The following ARHGEF28 variants were observed in gnomAD, a reference collection of about 807,000 sequenced individuals.
ARHGEF28 encodes Rho guanine nucleotide exchange factor 28.
Under a neutral mutation model 206.6 loss-of-function variants are expected in ARHGEF28, and 152 were observed. That is an observed-to-expected ratio of 0.74 (90% CI 0.64 to 0.84). ARHGEF28 has a LOEUF of 0.84. Among genes scored for constraint, ARHGEF28 ranks in the 40% least tolerant of loss-of-function variants. The pLI, the probability that ARHGEF28 is intolerant of heterozygous loss-of-function variation, is 0.00. For synonymous variants in ARHGEF28, 763 were observed against 776.4 expected, an observed-to-expected ratio of 0.98 and a Z score of 0.29; for missense variants, 2,028 against 2,073.2, an observed-to-expected ratio of 0.98 and a Z score of 0.42.
At position 73,894,551 on chromosome 5, in the gene ARHGEF28, T is replaced by C. The variant is rs1761847625; in HGVS notation, c.3817T>C (p.Leu1273=). 1 of 1,613,652 alleles carries C rather than the reference T, an allele frequency of 6.2e-7. No homozygotes were observed. The highest frequency in any genetic ancestry group is 1.1e-5 in the South Asian group (1 of 91,032). ...AGGCGAGCCTCCCCAGGCAGCCTCA[T>C]TACTGGCAGCAGCACTGAAAGAAGG... ...DPGEPPQAAS[L]LAAALKEAES... The change falls in exon 29 of 36, where the codon TTA becomes CTA. Residue 1273 remains leucine, a synonymous_variant. Coordinates refer to ENST00000513042, the MANE Select transcript of ARHGEF28 (RefSeq NM_001177693.2).
At chr5:73,628,364 A>G (rs1451352530) in intron 1 of ARHGEF28, among the ~76,000 whole-genome samples, 1 of 152,264 alleles carries the variant, frequency 6.6e-6, no homozygotes, top group Non-Finnish European at 1.5e-5. Context: ...CTGCCAGTTT[A>G]TGACCAAGGA....
chr5:73,690,967 G>C (rs1379412675), intron 2 of ARHGEF28, among the ~76,000 whole-genome samples: 2 of 151,984 alleles, frequency 1.3e-5, no homozygotes, highest in East Asian at 3.9e-4. Context: ...TTCTCGCCGT[G>C]TCATCCAGGC....
chr5:73,845,239 G>A (rs976242177), intron 11 of ARHGEF28, among the ~76,000 whole-genome samples: 9 of 152,006 alleles, frequency 5.9e-5, no homozygotes, highest in African/African-American at 1.9e-4. Flanking sequence ...GGATGGTCTC[G>A]ATCTCTGACC....
intron 9 of ARHGEF28, among the ~76,000 whole-genome samples, chr5:73,825,012 T>C (rs1224213343): frequency 6.6e-6 from 1 of 152,192 alleles, no homozygotes; most frequent in African/African-American, 2.4e-5. Flanking sequence ...GAATTTTCTG[T>C]TCTTGATGAT....
chr5:73,813,357 C>A, intron 9 of ARHGEF28: 2 of 389,866 alleles, frequency 5.1e-6, no homozygotes, highest in Non-Finnish European at 3.5e-6. Context: ...CCCTCCTTTA[C>A]TTCCCTAGTT....
intron 26 of ARHGEF28, among the ~76,000 whole-genome samples, chr5:73,891,591 G>A (rs929084521): frequency 1.7e-4 from 26 of 151,252 alleles, no homozygotes; most frequent in African/African-American, 5.8e-4. Context: ...CCAGGCTGGA[G>A]TGCGCTCACT....
intron 28 of ARHGEF28, among the ~76,000 whole-genome samples, chr5:73,894,014 G>C (rs924873063): frequency 2.6e-5 from 4 of 151,596 alleles, no homozygotes; most frequent in African/African-American, 9.7e-5. Context: ...TGCCGTTCCA[G>C]GCATTTGTAT....
intron 2 of ARHGEF28, among the ~76,000 whole-genome samples, chr5:73,731,141 C>T (rs1317160488): frequency 6.6e-6 from 1 of 151,842 alleles, no homozygotes; most frequent in Non-Finnish European, 1.5e-5. Flanking sequence ...AATGGGAATG[C>T]GTTAGTTTCT....
At chr5:73,833,249 A>G (rs1561439830) in intron 10 of ARHGEF28, among the ~76,000 whole-genome samples, 1 of 152,256 alleles carries the variant, frequency 6.6e-6, no homozygotes, top group African/African-American at 2.4e-5. Context: ...TAATCCCTAT[A>G]TAAGATCCAC....
chr5:73,795,339 A>G lies in ARHGEF28; in HGVS notation c.972A>G (p.Lys324=), dbSNP rs1447376548. The change falls in exon 9 of 36, where the codon AAA becomes AAG. Residue 324 remains lysine, a synonymous_variant. Coordinates refer to ENST00000513042, the MANE Select transcript of ARHGEF28 (RefSeq NM_001177693.2). ...AAEKEDIKRV[K]SLVVQHNEHE... is the part of the protein sequence containing the mutation. ...GACTTTATCTCTTCCAGCGTGTCAA[A>G]AGCCTGGTGGTTCAACACAATGAAC... 1 of 1,613,710 alleles carries G rather than the reference A, an allele frequency of 6.2e-7. No homozygotes were observed. The highest frequency in any genetic ancestry group is 2.2e-5 in the East Asian group (1 of 44,872).
intron 2 of ARHGEF28, among the ~76,000 whole-genome samples, chr5:73,692,344 A>G (rs1224509733): frequency 1.3e-5 from 2 of 152,222 alleles, no homozygotes; most frequent in Middle Eastern, 3.4e-3. Context: ...AATCATAGCC[A>G]CTGACTGAGA....
Position 73,880,323 on chromosome 5 carries a change from C to T in ARHGEF28, c.2815-2149C>T, listed in dbSNP as rs1442360891. ...GGGAGTGACCCAATTTTCCAGGTGC[C>T]GTCTGTCACCCCTTTCCTTGACCAG... On this transcript the variant is annotated intron_variant, in intron 22 of 35. Coordinates refer to ENST00000513042, the MANE Select transcript of ARHGEF28 (RefSeq NM_001177693.2). Among the ~76,000 whole-genome samples the T allele has an allele frequency of 2.6e-5, 4 of 152,158 alleles. No homozygotes were observed. The East Asian group carries it at 5.8e-4, about 22-fold the overall frequency.
At chr5:73,788,736 T>C (rs1388829624) in intron 7 of ARHGEF28, among the ~76,000 whole-genome samples, 2 of 152,108 alleles carry the variant, frequency 1.3e-5, no homozygotes, top group Non-Finnish European at 2.9e-5. Flanking sequence ...TCCAAAAAAA[T>C]TACCAATATA....
intron 2 of ARHGEF28, among the ~76,000 whole-genome samples, chr5:73,689,411 T>C (rs1026883497): frequency 1.3e-5 from 2 of 152,194 alleles, no homozygotes; most frequent in Non-Finnish European, 2.9e-5. Flanking sequence ...GGCATGATCT[T>C]AGCTCACTGC....
chr5:73,844,466 AC>A, intron 11 of ARHGEF28, among the ~76,000 whole-genome samples: 1 of 152,226 alleles, frequency 6.6e-6, no homozygotes, highest in South Asian at 2.1e-4. Flanking sequence ...TAGTTCAAAA[AC>A]TAATCTGTGT....
At chr5:73,867,587 G>T (rs571085862) in intron 18 of ARHGEF28, among the ~76,000 whole-genome samples, 12 of 152,118 alleles carry the variant, frequency 7.9e-5, no homozygotes, top group African/African-American at 2.9e-4. Flanking sequence ...GAAACCTGGC[G>T]CAGTATTTCC....
At chr5:73,804,082 CAAAAAA>C (rs35722039) in intron 9 of ARHGEF28, among the ~76,000 whole-genome samples, 9 of 64,316 alleles carry the variant, frequency 1.4e-4, no homozygotes, top group African/African-American at 5.5e-4. Context: ...GAGACCCTGT[CAAAAAA>C]AAAAAAAAAA....
rs1746963310 is a variant in ARHGEF28, at chr5:73,680,039, A to G, written c.-11-4802A>G. Among the ~76,000 whole-genome samples, 3 of 152,210 alleles carry G rather than the reference A, an allele frequency of 2.0e-5. No individual in the cohort carries two copies. In the South Asian group the frequency reaches 6.2e-4, roughly 32 times the overall value. The stretch of plus-strand genomic sequence containing the variant: ...ACCTTGCTCATGAATGACAAAGTGA[A>G]TGAGTCTTGTGTGTGGTGTTTTTAA... On this transcript the variant is annotated intron_variant, in intron 1 of 35. Coordinates refer to ENST00000513042, the MANE Select transcript of ARHGEF28 (RefSeq NM_001177693.2).
At chr5:73,923,178 G>C in intron 35 of ARHGEF28, 1 of 1,534,124 alleles carries the variant, frequency 6.5e-7, no homozygotes, top group Non-Finnish European at 8.7e-7. Context: ...ATACTGCAAG[G>C]GGGGTGCTTA....
Sources: gnomAD v4.1 joint callset for allele counts (sites outside exome capture counted in the v4.1 genomes callset) on GRCh38, gnomAD v4.1.1 for gene constraint, MANE v1.5 for transcripts, NCBI Gene and HGNC (gene_info 2026-07-23, HGNC 2026-07-21) for gene names.